PDE6B: variants seen among roughly 807,000 people sequenced by gnomAD.
The protein encoded by PDE6B is rod cGMP-specific 3',5'-cyclic phosphodiesterase subunit beta.
A neutral mutation model predicts 109.0 loss-of-function variants in PDE6B; 106 were observed. The ratio of observed to expected loss-of-function variants is 0.97; its 90% CI spans 0.83 to 1.14. The LOEUF (loss-of-function observed/expected upper bound fraction) is 1.14. PDE6B is among the 50% of genes most tolerant of loss of function. The pLI, the probability that PDE6B is intolerant of heterozygous loss-of-function variation, is 0.00. For synonymous variants in PDE6B, 490 were observed against 471.3 expected, an observed-to-expected ratio of 1.04 and a Z score of -0.51; for missense variants, 1,193 against 1,155.6, an observed-to-expected ratio of 1.03 and a Z score of -0.47.
intron 1 of PDE6B, among the ~76,000 whole-genome samples, chr4:627,435 C>T (rs368692804): frequency 2.0e-5 from 3 of 152,080 alleles, no homozygotes; most frequent in East Asian, 1.9e-4. Context: ...CGTGAGCCAC[C>T]GCACCAGGCC....
intron 3 of PDE6B, among the ~76,000 whole-genome samples, chr4:642,888 C>A (rs1735015089): frequency 6.6e-6 from 1 of 152,048 alleles, no homozygotes; most frequent in Non-Finnish European, 1.5e-5. Context: ...TGATTGATAA[C>A]ATCATGTATT....
chr4:636,113 G>A lies in PDE6B; in HGVS notation c.711+144G>A. 1 of 657,900 alleles carries A rather than the reference G, an allele frequency of 1.5e-6. No homozygotes were observed. The highest frequency in any genetic ancestry group is 1.8e-5 in the African/African-American group (1 of 56,334). The allele number at this position is 657,900 out of a possible 1,614,324, so 40.8% of individuals were successfully genotyped here. On this transcript the variant is annotated intron_variant, in intron 3 of 21. Transcript: ENST00000496514. The surrounding 1 kb of genome is among the most constrained non-coding windows in gnomAD (Gnocchi z 4.5). The stretch of plus-strand genomic sequence containing the variant: ...GGTGGGCATTGCTCAGGGGAGAGGA[G>A]GGCTCCATGGCTTCTGTGGCTGTGC...
At chr4:638,471 C>T (rs1366119016) in intron 3 of PDE6B, among the ~76,000 whole-genome samples, 1 of 152,032 alleles carries the variant, frequency 6.6e-6, no homozygotes, top group East Asian at 1.9e-4. Context: ...TACAGGCGCC[C>T]ACCACCACGC....
intron 11 of PDE6B, 50 bp from the exon 12 acceptor site, chr4:660,417 G>A (rs752928647): frequency 2.5e-6 from 4 of 1,593,612 alleles, no homozygotes; most frequent in South Asian, 1.1e-5. Context: ...TGAGAAGCAA[G>A]TGGGGGCTGT....
chr4:655,321 G>A (rs1343083561), intron 6 of PDE6B: 3 of 297,548 alleles, frequency 1.0e-5, no homozygotes, highest in East Asian at 9.0e-5. Context: ...ACTCCAGTCC[G>A]GAGGTCAGGG....
chr4:642,614 C>A (rs940150385), intron 3 of PDE6B, among the ~76,000 whole-genome samples: 1 of 150,832 alleles, frequency 6.6e-6, no homozygotes, highest in Non-Finnish European at 1.5e-5. Context: ...GGCAACATGG[C>A]GAAACACCAT....
intron 12 of PDE6B, 32 bp downstream of exon 12, chr4:660,645 C>T (rs1405719841): frequency 2.5e-6 from 4 of 1,606,520 alleles, no homozygotes; most frequent in Non-Finnish European, 3.4e-6. Flanking sequence ...ATAGTCAGGT[C>T]CCTGAGGCCG....
rs751635987 is a variant in PDE6B at position 658,989 on chromosome 4, G to T, written c.1439G>T (p.Cys480Phe). Residue 480 changes from cysteine to phenylalanine, a missense_variant, in exon 11 of 22, where the codon TGC becomes TTC. Physicochemically the swap from Cys to Phe is radical, Grantham distance 205 (BLOSUM62 -2). Transcript: ENST00000496514. ...CGCCTGGGGAAGGAGCCTGCTGACT[G>T]CGATGAGGACGAGCTGGGCGAAATC... ...RARLGKEPAD[C>F]DEDELGEILK... 1.3e-5 allele frequency: 21 copies of T among 1,613,660 alleles called. No individual in the cohort carries two copies. Among genetic ancestry groups the T allele is most frequent in the Non-Finnish European group, 1.7e-5 (20 of 1,179,828 alleles).
chr4:655,948 C>T lies in PDE6B; in HGVS notation c.1001C>T (p.Ser334Leu), dbSNP rs769916800. The T allele has an allele frequency of 6.2e-7, 1 of 1,608,584 alleles. No individual in the cohort carries two copies. ...KEEIKVIPTPSADHWALASGL... is the reference protein window; with the variant it reads ...KEEIKVIPTPLADHWALASGL... ...CTGCTCTCTGCCCACAGCACACCCTCAGCCGATCACTGGGCCCTGGCCAGC... is the reference window on the plus strand; with the variant it reads ...CTGCTCTCTGCCCACAGCACACCCTTAGCCGATCACTGGGCCCTGGCCAGC... Residue 334 changes from serine (S) to leucine (L), a missense_variant, in exon 7 of 22, where the codon TCA becomes TTA. Physicochemically the swap from Ser to Leu is moderately radical, Grantham distance 145. Transcript: ENST00000496514.
intron 3 of PDE6B, among the ~76,000 whole-genome samples, chr4:645,714 TTC>T (rs1735170061): frequency 2.0e-5 from 3 of 152,028 alleles, no homozygotes; most frequent in African/African-American, 7.3e-5. Flanking sequence ...TTTTTCTGCC[TTC>T]TCTGGTTTTA....
At chr4:647,302 G>C (rs1042078039) in intron 3 of PDE6B, among the ~76,000 whole-genome samples, 3 of 152,032 alleles carry the variant, frequency 2.0e-5, no homozygotes, top group African/African-American at 7.3e-5. Context: ...CCAAAGCAGG[G>C]ACTGGGGCAA....
At chr4:637,102 T>A (rs1734724308) in intron 3 of PDE6B, among the ~76,000 whole-genome samples, 1 of 152,248 alleles carries the variant, frequency 6.6e-6, no homozygotes, top group South Asian at 2.1e-4. Context: ...AGGTTATAAT[T>A]CAATATGATT....
chr4:651,889 C>G (rs992848138), intron 3 of PDE6B: 2 of 135,266 alleles, frequency 1.5e-5, no homozygotes, highest in African/African-American at 2.7e-5. Flanking sequence ...AAGCTCCTGA[C>G]CAGTGCAGGG....
chr4:665,264 C>A lies in PDE6B; in HGVS notation c.2203C>A (p.Leu735Ile). The A allele has an allele frequency of 6.2e-7, 1 of 1,612,492 alleles. No homozygotes were observed. The highest frequency in any genetic ancestry group is 8.5e-7 in the Non-Finnish European group (1 of 1,179,250). ...CTTCCTGTGCCTCCAGGTCGCACTT[C>A]TCGTGGCTGCTGAGTTCTGGGAGCA... is the stretch of plus-strand genomic sequence containing the variant. ...PWEVQSKVAL[L>I]VAAEFWEQGD... Residue 735 changes from leucine (L) to isoleucine (I), a missense_variant, in exon 19 of 22, where the codon CTC (leucine) becomes ATC (isoleucine). By Grantham distance (5) the Leu-to-Ile change is conservative. Coordinates refer to ENST00000496514, the MANE Select transcript of PDE6B (RefSeq NM_000283.4). This position sits in a 1 kb window ranked among gnomAD's most constrained non-coding sequence, Gnocchi z 4.0.
chr4:628,884 G>A (rs905962284), intron 1 of PDE6B, among the ~76,000 whole-genome samples: 7 of 152,198 alleles, frequency 4.6e-5, no homozygotes, highest in Admixed American at 6.5e-5. Flanking sequence ...TGTGTGTCAC[G>A]GCAGCCCCTT....
Position 660,611 on chromosome 4 carries a change from G to T in PDE6B, c.1612G>T (p.Glu538Ter). The T allele has an allele frequency of 6.2e-7, 1 of 1,613,592 alleles. No individual in the cohort carries two copies. The highest frequency in any genetic ancestry group is 8.5e-7 in the Non-Finnish European group (1 of 1,179,932). The change falls in exon 12 of 22, where the codon GAG becomes TAG. Residue 538 changes from glutamate (E) to a stop codon, truncating the protein, a stop_gained and splice_region_variant. Transcript: ENST00000496514. LOFTEE classifies it high-confidence loss of function. ...GVVRKFQIPQEVLVRFLFSIS... is the reference protein window; with the variant it reads ...GVVRKFQIPQ ...GGTCCGAAAGTTCCAGATCCCCCAG[G>T]AGGTGGGAGACACCGCAGGGCGCAT...
chr4:666,499 A>C lies in PDE6B; in HGVS notation c.2269-32A>C. 2 of 1,509,390 alleles carry C rather than the reference A, an allele frequency of 1.3e-6. No homozygotes were observed. The highest frequency in any genetic ancestry group is 1.8e-6 in the Non-Finnish European group (2 of 1,085,514). 93.5% of individuals were successfully genotyped at this position (1,509,390 alleles called of 1,614,324 possible). ...GGCCCCAGGAGCTGCCTCCCTGGTCACTGTTCTCCCGCCCTCTGTTCCTCC... is the reference window on the plus strand; with the variant it reads ...GGCCCCAGGAGCTGCCTCCCTGGTCCCTGTTCTCCCGCCCTCTGTTCCTCC... On this transcript the variant is annotated intron_variant, in intron 19 of 21. Transcript: ENST00000496514. This position sits in a 1 kb window ranked among gnomAD's most constrained non-coding sequence, Gnocchi z 5.6.
rs967728631 is a variant in PDE6B at position 633,696 on chromosome 4, C to T, written c.469-981C>T. 3.9e-5 allele frequency among the ~76,000 whole-genome samples: 6 copies of T among 152,210 alleles called. No individual in the cohort carries two copies. Among genetic ancestry groups the T allele is most frequent in the African/African-American group, 9.7e-5 (4 of 41,450 alleles). On this transcript the variant is annotated intron_variant, in intron 1 of 21. Transcript: ENST00000496514. The surrounding 1 kb of genome is among the most constrained non-coding windows in gnomAD (Gnocchi z 4.5). ...GAACCACCCTGTGCCCACTGCAGGT[C>T]GCACAGGTGGGAAGTCCTGACCCCA... is the stretch of plus-strand genomic sequence containing the variant.
At chr4:642,921 C>T (rs553924119) in intron 3 of PDE6B, among the ~76,000 whole-genome samples, 9 of 152,128 alleles carry the variant, frequency 5.9e-5, no homozygotes, top group African/African-American at 1.9e-4. Context: ...TGTGAACGAG[C>T]TTTGCATACC....
Sources: gnomAD v4.1 joint callset for allele counts (sites outside exome capture counted in the v4.1 genomes callset) on GRCh38, gnomAD v4.1.1 for gene constraint, Gnocchi (gnomAD v3.1) non-coding constraint, MANE v1.5 for transcripts, NCBI Gene and HGNC (gene_info 2026-07-23, HGNC 2026-07-21) for gene names.